Variants in NRG1 observed in about 807,000 individuals in gnomAD.
The protein encoded by NRG1 is neuregulin 1.
NRG1 carries 18 observed loss-of-function variants against 63.8 expected under a neutral mutation model. The observed-to-expected ratio is 0.28, with a 90% confidence interval of 0.19 to 0.42. The LOEUF is 0.42. Among genes scored for constraint, NRG1 ranks in the 10% least tolerant of loss-of-function variants. The probability of loss-of-function intolerance (pLI) is 1.00; values close to 1 mark genes in which losing one functional copy is unlikely to be tolerated. For missense variants in NRG1, 762 were observed against 814.7 expected (o/e 0.94, Z 0.79); for synonymous variants, 302 against 301.3 (o/e 1.00, Z -0.02).
intron 1 of NRG1, among the ~76,000 whole-genome samples, chr8:32,272,029 C>A (rs1851603597): frequency 6.6e-6 from 1 of 152,180 alleles, no homozygotes; most frequent in African/African-American, 2.4e-5. Context: ...TTTATTTACT[C>A]ACTCAGGTTA....
chr8:32,003,906 A>G (rs1013908644), intron 1 of NRG1, among the ~76,000 whole-genome samples: 1 of 151,814 alleles, frequency 6.6e-6, no homozygotes, highest in Non-Finnish European at 1.5e-5. Context: ...AGTGCTTTAA[A>G]CCTGGGAATT....
At chr8:32,650,655 C>CAAAAAAAAAA (rs59103241) in intron 5 of NRG1, among the ~76,000 whole-genome samples, 2 of 57,820 alleles carry the variant, frequency 3.5e-5, no homozygotes, top group Admixed American at 2.8e-4. Context: ...TAATGGAAAG[C>CAAAAAAAAAA]AAAAAAAAAA....
At position 31,813,516 on chromosome 8, in the gene NRG1, CT is replaced by C. The variant is rs377718067; in HGVS notation, c.37+174102del. On this transcript the variant is annotated intron_variant, in intron 1 of 10. Coordinates refer to the NRG1 transcript ENST00000519301. ...ATTTTCTTTTCTTTTCTTTTCTTTT[CT>C]TTTTTTTTTTTTTTTTGTTTTTTGA... Among the ~76,000 whole-genome samples, 620 of 101,186 alleles carry C rather than the reference CT, an allele frequency of 6.1e-3. 2 individuals carry two copies. The highest frequency in any genetic ancestry group is 0.021 in the African/African-American group (561 of 27,330). 66.4% of individuals were successfully genotyped at this position (101,186 alleles called of 152,430 possible).
chr8:32,544,149 C>T (rs1208374643), upstream of NRG1, among the ~76,000 whole-genome samples: 1 of 152,034 alleles, frequency 6.6e-6, no homozygotes, highest in South Asian at 2.1e-4. Context: ...AGTACCATTG[C>T]TGTAATTATG....
intron 1 of NRG1, among the ~76,000 whole-genome samples, chr8:31,879,015 A>G (rs1830142304): frequency 6.6e-6 from 1 of 152,088 alleles, no homozygotes; most frequent in Non-Finnish European, 1.5e-5. Context: ...AAAAAAAACA[A>G]ACAAACAAAA....
chr8:31,846,887 GCCTA>G (rs1446812709), intron 1 of NRG1, among the ~76,000 whole-genome samples: 1 of 152,162 alleles, frequency 6.6e-6, no homozygotes, highest in Non-Finnish European at 1.5e-5. Flanking sequence ...TTGACTGCCT[GCCTA>G]TTCAGTGTCA....
chr8:32,080,093 G>A (rs1399948674), intron 1 of NRG1, among the ~76,000 whole-genome samples: 1 of 152,088 alleles, frequency 6.6e-6, no homozygotes, highest in East Asian at 1.9e-4. Context: ...ACTTAGCAAT[G>A]TCTACAATAG....
chr8:32,771,715 AATAT>A (rs1193253997), downstream of NRG1, among the ~76,000 whole-genome samples: 5 of 111,846 alleles, frequency 4.5e-5, no homozygotes, highest in African/African-American at 1.7e-4. Flanking sequence ...TTAAAAAAAA[AATAT>A]ATATATATAT....
chr8:32,455,487 A>T (rs890953514), intron 1 of NRG1, among the ~76,000 whole-genome samples: 1 of 152,208 alleles, frequency 6.6e-6, no homozygotes, highest in Non-Finnish European at 1.5e-5. Flanking sequence ...TCACAGCCCA[A>T]TTTGACCCAT....
chr8:31,780,051 A>G (rs778390969), intron 1 of NRG1, among the ~76,000 whole-genome samples: 11 of 152,184 alleles, frequency 7.2e-5, no homozygotes, highest in Non-Finnish European at 1.3e-4. Flanking sequence ...GGTCATTGCT[A>G]TGTCCTAGGA....
chr8:32,294,436 G>T (rs1011327919), intron 1 of NRG1, among the ~76,000 whole-genome samples: 45 of 152,100 alleles, frequency 3.0e-4, no homozygotes, highest in African/African-American at 1.1e-3. Context: ...TCTCTCCAAC[G>T]GTCCTAAAAT....
At chr8:32,547,171 TC>T (rs1164379845), upstream of NRG1, among the ~76,000 whole-genome samples, 2 of 152,178 alleles carry the variant, frequency 1.3e-5, no homozygotes, top group African/African-American at 4.8e-5. Flanking sequence ...TCTGGATCCT[TC>T]CGTGGTGCCC....
intron 1 of NRG1, among the ~76,000 whole-genome samples, chr8:32,526,087 G>A (rs1830813366): frequency 6.6e-6 from 1 of 152,278 alleles, no homozygotes; most frequent in African/African-American, 2.4e-5. Flanking sequence ...TATTCTCTTA[G>A]AGTTTCTGTG....
At chr8:32,643,886 A>G (rs1436952781) in intron 5 of NRG1, among the ~76,000 whole-genome samples, 1 of 152,228 alleles carries the variant, frequency 6.6e-6, no homozygotes. Context: ...TCATTGTTAC[A>G]TATTCTGGTT....
At chr8:32,309,647 C>T (rs576386780) in intron 1 of NRG1, among the ~76,000 whole-genome samples, 1 of 152,062 alleles carries the variant, frequency 6.6e-6, no homozygotes, top group Non-Finnish European at 1.5e-5. Context: ...AATACCTTTT[C>T]CAACAACTCG....
At chr8:31,674,457 G>T (rs149710444) in intron 1 of NRG1, among the ~76,000 whole-genome samples, 1 of 152,002 alleles carries the variant, frequency 6.6e-6, no homozygotes, top group African/African-American at 2.4e-5. Flanking sequence ...CTTTCACCTA[G>T]TCAGTGAGTT....
At chr8:31,732,257 C>T (rs188442661) in intron 1 of NRG1, among the ~76,000 whole-genome samples, 80 of 152,238 alleles carry the variant, frequency 5.3e-4, no homozygotes, top group Admixed American at 7.9e-4. Flanking sequence ...AATTATTTAA[C>T]GTAACTGTGC....
At chr8:32,624,162 T>A (rs931955326) in intron 5 of NRG1, among the ~76,000 whole-genome samples, 9 of 152,328 alleles carry the variant, frequency 5.9e-5, no homozygotes, top group African/African-American at 2.2e-4. Flanking sequence ...TAGGTAGTTC[T>A]AAAAAGAAGA....
chr8:31,880,881 G>C (rs2129612703), intron 1 of NRG1, among the ~76,000 whole-genome samples: 1 of 152,258 alleles, frequency 6.6e-6, no homozygotes, highest in African/African-American at 2.4e-5. Context: ...TTTTGAAAAT[G>C]TATGAATACA....
Sources: gnomAD v4.1 joint callset for allele counts (sites outside exome capture counted in the v4.1 genomes callset) on GRCh38, gnomAD v4.1.1 for gene constraint, MANE v1.5 for transcripts, NCBI Gene and HGNC (gene_info 2026-07-23, HGNC 2026-07-21) for gene names.